The following CCDC60 variants were observed in gnomAD, a reference collection of about 807,000 sequenced individuals.
CCDC60 encodes coiled-coil domain-containing protein 60.
In CCDC60, 54 loss-of-function variants were observed where a neutral mutation model predicts 63.5. That is an observed-to-expected ratio of 0.85 (90% confidence interval 0.68 to 1.07). The LOEUF (loss-of-function observed/expected upper bound fraction) is 1.07, where lower values mean the gene tolerates loss of function less well. CCDC60 is among the 50% of genes least tolerant of loss of function. The pLI is 0.00. For synonymous variants in CCDC60, 206 were observed against 238.8 expected (o/e 0.86, Z 1.27); for missense variants, 651 against 684.3 (o/e 0.95, Z 0.54).
intron 1 of CCDC60, among the ~76,000 whole-genome samples, chr12:119,358,807 A>G (rs550300368): frequency 6.6e-5 from 10 of 152,352 alleles, no homozygotes; most frequent in Non-Finnish European, 1.5e-5. Context: ...GTATTCTACA[A>G]TATGAATGTA....
At chr12:119,519,448 T>C (rs1311594650) in intron 8 of CCDC60, among the ~76,000 whole-genome samples, 6 of 134,034 alleles carry the variant, frequency 4.5e-5, no homozygotes, top group Admixed American at 3.0e-4. Context: ...CGTGTGTGTG[T>C]GTGTATATAT....
chr12:119,522,816 C>T (rs1275321487), intron 9 of CCDC60, 123 bp from the exon 10 acceptor site: 1 of 843,596 alleles, frequency 1.2e-6, no homozygotes, highest in African/African-American at 1.7e-5. Flanking sequence ...TGACTGGTGC[C>T]TTGATTAGAA....
chr12:119,393,473 G>C (rs1227434124), intron 1 of CCDC60, among the ~76,000 whole-genome samples: 1 of 152,144 alleles, frequency 6.6e-6, no homozygotes, highest in African/African-American at 2.4e-5. Flanking sequence ...TATTTTGTCT[G>C]CATCTCCACC....
intron 1 of CCDC60, among the ~76,000 whole-genome samples, chr12:119,355,413 G>A (rs1955706559): frequency 6.6e-6 from 1 of 152,190 alleles, no homozygotes; most frequent in South Asian, 2.1e-4. Flanking sequence ...TCATGCAACT[G>A]CTGATACGTC....
intron 1 of CCDC60, among the ~76,000 whole-genome samples, chr12:119,409,678 T>A (rs971937500): frequency 2.0e-5 from 3 of 152,212 alleles, no homozygotes; most frequent in Non-Finnish European, 2.9e-5. Context: ...TAAAACTTTA[T>A]TTACAGAAAC....
intron 1 of CCDC60, among the ~76,000 whole-genome samples, chr12:119,386,501 GA>G (rs56754949): frequency 0.57 from 81,750 of 142,632 alleles, 23,024 homozygotes; most frequent in East Asian, 0.83. Flanking sequence ...TCCACTCTAA[GA>G]AAAAAAAAAA....
At chr12:119,433,045 C>T (rs1226458069) in intron 2 of CCDC60, among the ~76,000 whole-genome samples, 2 of 152,178 alleles carry the variant, frequency 1.3e-5, no homozygotes, top group Admixed American at 6.5e-5. Context: ...TGTTCACTGA[C>T]GTCACCACTT....
At chr12:119,535,215 G>T (rs1026370326) in intron 13 of CCDC60, among the ~76,000 whole-genome samples, 14 of 152,146 alleles carry the variant, frequency 9.2e-5, no homozygotes, top group Non-Finnish European at 5.9e-5. Flanking sequence ...GGTGTTTATG[G>T]TATTCTCTGA....
At chr12:119,488,263 A>G (rs1207400586) in intron 4 of CCDC60, among the ~76,000 whole-genome samples, 1 of 152,198 alleles carries the variant, frequency 6.6e-6, no homozygotes, top group African/African-American at 2.4e-5. Flanking sequence ...GGAGAAGAAC[A>G]ATTAATACAC....
chr12:119,395,870 G>A (rs1956243103), intron 1 of CCDC60, among the ~76,000 whole-genome samples: 2 of 152,044 alleles, frequency 1.3e-5, no homozygotes, highest in African/African-American at 4.8e-5. Flanking sequence ...GGTGTTTGTT[G>A]GCTTGTAGCC....
At chr12:119,507,447 TATATACATATATACACATAC>T (rs1473820911) in intron 7 of CCDC60, among the ~76,000 whole-genome samples, 1 of 146,170 alleles carries the variant, frequency 6.8e-6, no homozygotes, top group African/African-American at 2.5e-5. Flanking sequence ...TATACACATA[TATATACATATATACACATAC>T]ATATATATAC....
chr12:119,520,128 T>A lies in CCDC60; in HGVS notation c.976T>A (p.Ser326Thr). ...ACTCATTTTGCCTTGCAGCATCTTG[T>A]CAGTGCTGAAACAAAACAAGAGTAA... ...GMQRKAPSILSVLKQNKSNSA... is the reference protein window; with the variant it reads ...GMQRKAPSILTVLKQNKSNSA... The change falls in exon 9 of 14, where the codon TCA becomes ACA. Residue 326 changes from serine to threonine, a missense_variant. Transcript: ENST00000327554. The A allele has an allele frequency of 1.2e-6, 2 of 1,613,820 alleles. No homozygotes were observed. Among genetic ancestry groups the A allele is most frequent in the South Asian group, 2.2e-5 (2 of 90,988 alleles).
intron 1 of CCDC60, among the ~76,000 whole-genome samples, chr12:119,347,617 C>T (rs950922416): frequency 1.9e-4 from 29 of 152,140 alleles, no homozygotes; most frequent in African/African-American, 7.0e-4. Context: ...AGTGAGGCAA[C>T]ACATTCCTTA....
intron 2 of CCDC60, among the ~76,000 whole-genome samples, chr12:119,435,809 A>G (rs190783405): frequency 1.3e-5 from 2 of 152,310 alleles, no homozygotes; most frequent in African/African-American, 4.8e-5. Flanking sequence ...CTATGGTTCC[A>G]CTGGGAGGTT....
chr12:119,389,807 C>T (rs1313598173), intron 1 of CCDC60, among the ~76,000 whole-genome samples: 1 of 152,098 alleles, frequency 6.6e-6, no homozygotes, highest in Non-Finnish European at 1.5e-5. Context: ...CACACATACA[C>T]AGAGCAAGCT....
chr12:119,485,536 C>T (rs768434049), intron 4 of CCDC60, among the ~76,000 whole-genome samples: 1 of 152,164 alleles, frequency 6.6e-6, no homozygotes, highest in Non-Finnish European at 1.5e-5. Context: ...CCAACCCTCT[C>T]GAGGTTGGAG....
chr12:119,373,662 T>TG (rs869163881), intron 1 of CCDC60, among the ~76,000 whole-genome samples: 5 of 74,086 alleles, frequency 6.7e-5, no homozygotes, highest in Admixed American at 1.4e-4. Flanking sequence ...CTCTCCGGGG[T>TG]GGGGTGGGGG....
At chr12:119,360,536 G>T (rs1333057809) in intron 1 of CCDC60, among the ~76,000 whole-genome samples, 2 of 151,388 alleles carry the variant, frequency 1.3e-5, no homozygotes, top group Admixed American at 1.3e-4. Context: ...CTTCTCAGAC[G>T]GGGCGGCCGG....
chr12:119,501,504 T>C (rs1030364027), intron 6 of CCDC60, among the ~76,000 whole-genome samples: 2 of 152,240 alleles, frequency 1.3e-5, no homozygotes, highest in African/African-American at 2.4e-5. Flanking sequence ...TCAATAGGTT[T>C]ATTAAACATA....
Sources: gnomAD v4.1 joint callset for allele counts (sites outside exome capture counted in the v4.1 genomes callset) on GRCh38, gnomAD v4.1.1 for gene constraint, MANE v1.5 for transcripts, NCBI Gene and HGNC (gene_info 2026-07-23, HGNC 2026-07-21) for gene names.